The following CSMD3 variants were observed in gnomAD, a reference collection of about 807,000 sequenced individuals.
The protein encoded by CSMD3 is CUB and sushi domain-containing protein 3.
CSMD3 carries 177 observed loss-of-function variants against 435.2 expected under a neutral mutation model. The ratio of observed to expected loss-of-function variants is 0.41; its 90% CI spans 0.36 to 0.46. The LOEUF (loss-of-function observed/expected upper bound fraction) is 0.46, where lower values mean the gene tolerates loss of function less well. CSMD3 is among the 20% of genes least tolerant of loss of function. The pLI is 0.34. For missense variants in CSMD3, 4,265 were observed against 4,504.6 expected (o/e 0.95, Z 1.52); for synonymous variants, 1,656 against 1,520.5 (o/e 1.09, Z -2.07).
rs2130655288 is a variant in CSMD3 at position 112,289,411 on chromosome 8, G to C, written c.9102C>G (p.Thr3034=). The part of the protein sequence containing the change: ...KRSLLGQSSR[T]CQLNGHWSGS... ...CACTCCAATGGCCATTCAATTGGCA[G>C]GTTCTTGATGACTGGCCTAAAAGGG... The change falls in exon 57 of 71, where the codon ACC becomes ACG. Residue 3034 remains threonine, a synonymous_variant. Transcript: ENST00000297405. The C allele has an allele frequency of 6.2e-7, 1 of 1,613,416 alleles. No individual in the cohort carries two copies. The highest frequency in any genetic ancestry group is 2.2e-5 in the East Asian group (1 of 44,844).
intron 17 of CSMD3, among the ~76,000 whole-genome samples, chr8:112,660,273 C>A (rs1277254667): frequency 2.0e-5 from 3 of 152,062 alleles, no homozygotes; most frequent in East Asian, 3.8e-4. Flanking sequence ...AGCACCAAGA[C>A]ATTATAAGGC....
chr8:112,409,641 T>C (rs1236657205), intron 32 of CSMD3, among the ~76,000 whole-genome samples: 1 of 152,004 alleles, frequency 6.6e-6, no homozygotes, highest in African/African-American at 2.4e-5. Flanking sequence ...TCCTCAGCAA[T>C]TGAGATATCA....
At chr8:112,267,732 T>G (rs768495457) in intron 59 of CSMD3, among the ~76,000 whole-genome samples, 3 of 152,082 alleles carry the variant, frequency 2.0e-5, no homozygotes, top group Non-Finnish European at 4.4e-5. Context: ...ATTTTACAGA[T>G]GCACGAAGAA....
chr8:113,411,442 C>A (rs946537710), intron 1 of CSMD3, among the ~76,000 whole-genome samples: 1 of 152,108 alleles, frequency 6.6e-6, no homozygotes, highest in African/African-American at 2.4e-5. Context: ...GAAACACCCT[C>A]ATTTGAAAAG....
chr8:112,855,985 G>A (rs2080646820), intron 11 of CSMD3, among the ~76,000 whole-genome samples: 2 of 151,776 alleles, frequency 1.3e-5, no homozygotes, highest in African/African-American at 4.8e-5. Context: ...AAGTATAAGA[G>A]GGAAATTAAT....
chr8:112,975,990 G>C lies in CSMD3; in HGVS notation c.1189C>G (p.Gln397Glu), dbSNP rs1291786446. Residue 397 changes from glutamine (Q) to glutamate (E), a missense_variant, in exon 7 of 71, where the codon CAA becomes GAA. Physicochemically the swap from Gln to Glu is conservative, Grantham distance 29. This residue lies in a region of CSMD3 where 731 missense variants were observed against 755.4 expected (regional missense o/e 0.97). Coordinates refer to ENST00000297405, the MANE Select transcript of CSMD3 (RefSeq NM_198123.2). ...IHRLSEEQRV[Q>E]VTSLRNSGLD... Reference sequence around the variant, plus strand: ...CCTGAATTTCTGAGACTCGTAACTTGCACTCGCTGTTCCTCGGAAAGTCTA... The same window carrying C: ...CCTGAATTTCTGAGACTCGTAACTTCCACTCGCTGTTCCTCGGAAAGTCTA... 1 of 1,614,024 alleles carries C rather than the reference G, an allele frequency of 6.2e-7. No homozygotes were observed.
chr8:112,229,582 C>A (rs910415860), intron 69 of CSMD3, among the ~76,000 whole-genome samples: 7 of 151,990 alleles, frequency 4.6e-5, no homozygotes, highest in African/African-American at 1.7e-4. Flanking sequence ...GCACATGCAA[C>A]CACACCTGGC....
chr8:113,288,567 C>G (rs1049064223), intron 2 of CSMD3, among the ~76,000 whole-genome samples: 2 of 151,670 alleles, frequency 1.3e-5, no homozygotes, highest in African/African-American at 4.8e-5. Context: ...GACTGTAATT[C>G]CAAAGGCCAT....
chr8:112,332,295 T>A (rs1004436918), intron 45 of CSMD3, among the ~76,000 whole-genome samples: 1 of 144,924 alleles, frequency 6.9e-6, no homozygotes, highest in Non-Finnish European at 1.6e-5. Flanking sequence ...TGAGTTCAAA[T>A]TATCAAGAAG....
intron 27 of CSMD3, among the ~76,000 whole-genome samples, chr8:112,532,113 A>G (rs1157291545): frequency 7.3e-6 from 1 of 137,578 alleles, no homozygotes; most frequent in Non-Finnish European, 1.6e-5. Context: ...GAGTGTCTCA[A>G]CAGCAGAATT....
intron 8 of CSMD3, among the ~76,000 whole-genome samples, chr8:112,953,966 C>T (rs1460389983): frequency 6.6e-6 from 1 of 151,320 alleles, no homozygotes; most frequent in East Asian, 1.9e-4. Flanking sequence ...TTCTAATATG[C>T]AACAGTATTG....
chr8:112,415,100 G>A (rs189712825), intron 32 of CSMD3, among the ~76,000 whole-genome samples: 2 of 152,316 alleles, frequency 1.3e-5, no homozygotes, highest in African/African-American at 2.4e-5. Context: ...TAATCCCCAG[G>A]ACAATAGGGA....
rs1203991072 is a variant in CSMD3, at chr8:112,794,285, C to CTTTTTTTTTTTTT, written c.1972+5864_1972+5876dup. On this transcript the variant is annotated intron_variant, in intron 13 of 70. Coordinates refer to ENST00000297405, the MANE Select transcript of CSMD3 (RefSeq NM_198123.2). ...TTGCCCCAGATGCTGGACTGATAAACTTTTTTTTTTTTTTTTTTTTTTTTT... is the reference window on the plus strand; with the variant it reads ...TTGCCCCAGATGCTGGACTGATAAACTTTTTTTTTTTTTTTTTTTTTTTTTTTTTTTTTTTTTT... 3.1e-5 allele frequency among the ~76,000 whole-genome samples: 3 copies of CTTTTTTTTTTTTT among 96,302 alleles called. 1 individual carries two copies. The highest frequency in any genetic ancestry group is 7.8e-5 in the African/African-American group (2 of 25,776). 63.2% of individuals were successfully genotyped at this position (96,302 alleles called of 152,430 possible). A position where few individuals can be genotyped will look rare whatever the true frequency, so the allele number is the denominator to read the frequency against.
intron 4 of CSMD3, among the ~76,000 whole-genome samples, chr8:113,119,964 T>TTTAAG (rs3079807): frequency 0.67 from 101,485 of 151,124 alleles, 35,659 homozygotes; most frequent in East Asian, 0.95. Context: ...TTCAAATTTA[T>TTTAAG]TTATTTAATA....
At chr8:113,407,568 ATGTG>A in intron 1 of CSMD3, among the ~76,000 whole-genome samples, 1 of 151,120 alleles carries the variant, frequency 6.6e-6, no homozygotes. Context: ...ACACATATAT[ATGTG>A]TGTGTGTGTG....
chr8:113,011,262 A>C (rs1336307078), intron 6 of CSMD3, among the ~76,000 whole-genome samples: 2 of 151,850 alleles, frequency 1.3e-5, no homozygotes, highest in Non-Finnish European at 2.9e-5. Context: ...AGTTATATGG[A>C]TTAACTTTTA....
chr8:112,246,872 G>C (rs1185921343), intron 64 of CSMD3, 148 bp downstream of exon 64: 4 of 680,838 alleles, frequency 5.9e-6, no homozygotes, highest in East Asian at 5.4e-5. Flanking sequence ...TTATGATACA[G>C]TAATAAAATT....
At chr8:112,278,553 T>A (rs142795816) in intron 59 of CSMD3, among the ~76,000 whole-genome samples, 1 of 152,110 alleles carries the variant, frequency 6.6e-6, no homozygotes, top group Non-Finnish European at 1.5e-5. Flanking sequence ...TCTTACTCTA[T>A]GACTATTGGT....
At chr8:112,306,230 G>A (rs909834805) in intron 50 of CSMD3, 38 bp from the exon 51 acceptor site, 8 of 1,513,124 alleles carry the variant, frequency 5.3e-6, no homozygotes, top group African/African-American at 2.7e-5. Context: ...CGTATAAACA[G>A]AAAAATGTTT....
Sources: allele counts gnomAD v4.1 joint callset (sites outside exome capture counted in the v4.1 genomes callset), GRCh38; gene constraint gnomAD v4.1.1; regional missense constraint gnomAD v4.1.1; transcripts MANE v1.5; gene names NCBI Gene and HGNC (gene_info 2026-07-23, HGNC 2026-07-21).